Variants in DNAJC10 observed in about 807,000 individuals in gnomAD.
The protein encoded by DNAJC10 is endoplasmic reticulum disulfide reductase DNAJC10.
Under a neutral mutation model 115.0 loss-of-function variants are expected in DNAJC10, and 101 were observed. That is an observed-to-expected ratio of 0.88 (90% CI 0.75 to 1.04). The LOEUF (loss-of-function observed/expected upper bound fraction) is 1.04, where lower values mean the gene tolerates loss of function less well. Ranked by LOEUF, DNAJC10 falls within the 50% of genes least tolerant of loss-of-function variation. DNAJC10 has a pLI of 0.00. For missense variants in DNAJC10, 981 were observed against 928.8 expected (o/e 1.06, Z -0.73); for synonymous variants, 307 against 301.5 (o/e 1.02, Z -0.19).
At position 182,785,199 on chromosome 2, in the gene DNAJC10, C is replaced by T. The variant is rs1574968120; in HGVS notation, c.*8067C>T. ...GTAAAGATACATACATGTATTGGAG[C>T]TCAGCAGATTCCCATTCATGAAGAA... On this transcript the variant is annotated 3_prime_UTR_variant, in exon 24 of 24. Coordinates refer to ENST00000264065, the MANE Select transcript of DNAJC10 (RefSeq NM_018981.4). 3 of 152,120 alleles carry T rather than the reference C, an allele frequency of 2.0e-5. 1 individual carries two copies. In the South Asian group the frequency reaches 6.2e-4, roughly 32 times the overall value. 9.4% of individuals were successfully genotyped at this position (152,120 alleles called of 1,614,324 possible).
rs1418929252 is a variant in DNAJC10 at position 182,792,658 on chromosome 2, AAGT to A, written c.*15527_*15529del. 6.6e-6 allele frequency: 1 copy of A among 152,180 alleles called. No homozygotes were observed. The highest frequency in any genetic ancestry group is 1.5e-5 in the Non-Finnish European group (1 of 68,028). 9.4% of individuals were successfully genotyped at this position (152,180 alleles called of 1,614,324 possible). A position where few individuals can be genotyped will look rare whatever the true frequency, so the allele number is the denominator to read the frequency against. On this transcript the variant is annotated 3_prime_UTR_variant, in exon 24 of 24. Coordinates refer to ENST00000264065, the MANE Select transcript of DNAJC10 (RefSeq NM_018981.4). ...CCTCAAACCAGTTTATCTGCAAGAG[AAGT>A]GTGTGAAGTTAGACTCAATTCTTCC...
intron 11 of DNAJC10, chr2:182,739,644 G>T (rs1036803778): frequency 8.9e-7 from 1 of 1,123,928 alleles, no homozygotes; most frequent in African/African-American, 1.7e-5. Flanking sequence ...TGTTAGAAGG[G>T]CCTTTTATAC....
At position 182,781,647 on chromosome 2, in the gene DNAJC10, A is replaced by T. The variant is rs1360346022; in HGVS notation, c.*4515A>T. Reference sequence around the variant, plus strand: ...TCTGTTGTTTCCTCACTTTTTAATGATCGCCATTCTAACTGATGTGACATG... The same window carrying T: ...TCTGTTGTTTCCTCACTTTTTAATGTTCGCCATTCTAACTGATGTGACATG... On this transcript the variant is annotated 3_prime_UTR_variant, in exon 24 of 24. Transcript: ENST00000264065. The T allele has an allele frequency of 6.6e-6, 1 of 152,116 alleles. No individual in the cohort carries two copies. Among genetic ancestry groups the T allele is most frequent in the African/African-American group, 2.4e-5 (1 of 41,430 alleles). The allele number at this position is 152,116 out of a possible 1,614,324, so 9.4% of individuals were successfully genotyped here.
Position 182,789,765 on chromosome 2 carries a change from G to A in DNAJC10, c.*12633G>A, listed in dbSNP as rs1695016663. On this transcript the variant is annotated 3_prime_UTR_variant, in exon 24 of 24. Transcript: ENST00000264065. ...GACCTCCATACTGTTTTTCATAGCA[G>A]CTGCACCATTTTACATTCCCACCAA... 6.6e-6 allele frequency: 1 copy of A among 152,030 alleles called. No homozygotes were observed. The highest frequency in any genetic ancestry group is 6.6e-5 in the Admixed American group (1 of 15,258). 9.4% of individuals were successfully genotyped at this position (152,030 alleles called of 1,614,324 possible). A position where few individuals can be genotyped will look rare whatever the true frequency, so the allele number is the denominator to read the frequency against.
At chr2:182,735,855 T>A (rs1286988409) in intron 10 of DNAJC10, among the ~76,000 whole-genome samples, 1 of 152,166 alleles carries the variant, frequency 6.6e-6, no homozygotes, top group African/African-American at 2.4e-5. Context: ...ATAAACTGTA[T>A]AATTACTAAA....
intron 5 of DNAJC10, among the ~76,000 whole-genome samples, chr2:182,728,108 A>C (rs968681305): frequency 6.6e-6 from 1 of 152,212 alleles, no homozygotes; most frequent in African/African-American, 2.4e-5. Context: ...CAGAGTTTAC[A>C]GTAGCTGTCA....
intron 14 of DNAJC10, among the ~76,000 whole-genome samples, chr2:182,749,127 A>G (rs954196084): frequency 4.6e-5 from 7 of 151,770 alleles, no homozygotes; most frequent in Non-Finnish European, 7.4e-5. Context: ...AAAAATGTAT[A>G]TTCTGTTGAT....
chr2:182,730,502 A>T, intron 8 of DNAJC10: 1 of 435,070 alleles, frequency 2.3e-6, no homozygotes, highest in Non-Finnish European at 4.6e-6. Flanking sequence ...TTAGTAAACA[A>T]TTAAAATGCA....
intron 11 of DNAJC10, among the ~76,000 whole-genome samples, chr2:182,738,690 G>A (rs1384865534): frequency 4.6e-5 from 7 of 152,046 alleles, no homozygotes; most frequent in South Asian, 4.1e-4. Flanking sequence ...ACAGGTGCAC[G>A]CCGCCACACC....
chr2:182,739,695 T>A, intron 11 of DNAJC10: 19 of 1,030,668 alleles, frequency 1.8e-5, no homozygotes, highest in Non-Finnish European at 2.2e-5. Flanking sequence ...CGAAAACAAG[T>A]TTAAGATAAG....
chr2:182,782,874 T>C lies in DNAJC10; in HGVS notation c.*5742T>C, dbSNP rs1221423873. ...TATGTCATCTGCAAACAGAGATAAT[T>C]TGACTTCCTCTCTTCCTGTTTGAAT... On this transcript the variant is annotated 3_prime_UTR_variant, in exon 24 of 24. Transcript: ENST00000264065. 1 of 152,184 alleles carries C rather than the reference T, an allele frequency of 6.6e-6. No individual in the cohort carries two copies. Among genetic ancestry groups the C allele is most frequent in the Non-Finnish European group, 1.5e-5 (1 of 68,038 alleles). The allele number at this position is 152,184 out of a possible 1,614,324, so 9.4% of individuals were successfully genotyped here.
chr2:182,735,217 A>G (rs1693554738), intron 10 of DNAJC10, among the ~76,000 whole-genome samples: 1 of 151,776 alleles, frequency 6.6e-6, no homozygotes, highest in South Asian at 2.1e-4. Flanking sequence ...TGGGTACCCT[A>G]GAAATTTTGT....
At chr2:182,775,926 A>G (rs560935877) in intron 23 of DNAJC10, among the ~76,000 whole-genome samples, 4 of 152,306 alleles carry the variant, frequency 2.6e-5, no homozygotes, top group African/African-American at 9.6e-5. Flanking sequence ...ACGTAGGTTA[A>G]TGGTTGCCTG....
intron 14 of DNAJC10, among the ~76,000 whole-genome samples, chr2:182,745,838 C>T (rs1051936613): frequency 6.6e-6 from 1 of 151,982 alleles, no homozygotes; most frequent in Non-Finnish European, 1.5e-5. Context: ...GCTGCACCCA[C>T]TAACTCGTCA....
At chr2:182,757,957 T>C in intron 19 of DNAJC10, 132 bp downstream of exon 19, 1 of 564,680 alleles carries the variant, frequency 1.8e-6, no homozygotes, top group Admixed American at 3.5e-5. Context: ...AAAGATAGTT[T>C]GTTAATGAAC....
At chr2:182,752,487 ATTTC>A in intron 16 of DNAJC10, 1 of 473,844 alleles carries the variant, frequency 2.1e-6, no homozygotes, top group South Asian at 9.5e-5. Context: ...AGATTGTTAT[ATTTC>A]TTTAATATTT....
chr2:182,788,346 GA>G lies in DNAJC10; in HGVS notation c.*11218del, dbSNP rs902975784. On this transcript the variant is annotated 3_prime_UTR_variant, in exon 24 of 24. Transcript: ENST00000264065. Reference sequence around the variant, plus strand: ...TGTCTTATCCATAAGCAGTAGTCCAGAAAACATAGCGAGGATGAAAATTCAC... The same window carrying G: ...TGTCTTATCCATAAGCAGTAGTCCAGAAACATAGCGAGGATGAAAATTCAC... The G allele has an allele frequency of 1.2e-4, 24 of 200,954 alleles. No homozygotes were observed. The highest frequency in any genetic ancestry group is 5.9e-4 in the Admixed American group (10 of 16,994). 12.4% of individuals were successfully genotyped at this position (200,954 alleles called of 1,614,324 possible). A position where few individuals can be genotyped will look rare whatever the true frequency, so the allele number is the denominator to read the frequency against.
intron 5 of DNAJC10, among the ~76,000 whole-genome samples, chr2:182,725,975 A>G (rs2105615046): frequency 6.6e-6 from 1 of 152,314 alleles, no homozygotes; most frequent in East Asian, 1.9e-4. Flanking sequence ...TACATTTCAT[A>G]AGGCTCTACC....
intron 5 of DNAJC10, among the ~76,000 whole-genome samples, chr2:182,725,433 A>G (rs575216624): frequency 2.6e-5 from 4 of 152,316 alleles, no homozygotes; most frequent in African/African-American, 9.6e-5. Flanking sequence ...TTGCTAGTTA[A>G]ATTATAAATG....
Sources: gnomAD v4.1 joint callset for allele counts (sites outside exome capture counted in the v4.1 genomes callset) on GRCh38, gnomAD v4.1.1 for gene constraint, MANE v1.5 for transcripts, NCBI Gene and HGNC (gene_info 2026-07-23, HGNC 2026-07-21) for gene names.